The following HDHD2 variants were observed in gnomAD, a reference collection of about 807,000 sequenced individuals.
HDHD2 encodes haloacid dehalogenase-like hydrolase domain-containing protein 2.
A neutral mutation model predicts 24.8 loss-of-function variants in HDHD2; 26 were observed. That is an observed-to-expected ratio of 1.05 (90% CI 0.77 to 1.45). The LOEUF (loss-of-function observed/expected upper bound fraction) is 1.45. HDHD2 is among the 40% of genes most tolerant of loss of function. HDHD2 has a pLI of 0.00. For synonymous variants in HDHD2, 128 were observed against 114.9 expected, an observed-to-expected ratio of 1.11 and a Z score of -0.73; for missense variants, 299 against 313.4, an observed-to-expected ratio of 0.95 and a Z score of 0.35.
rs143332625 is a variant in HDHD2 at position 47,112,863 on chromosome 18, C to G, written c.676+114G>C. The G allele has an allele frequency of 7.5e-4, 611 of 810,408 alleles. 10 individuals are homozygous for G. In the East Asian group the frequency reaches 0.015, roughly 20 times the overall value. The allele number at this position is 810,408 out of a possible 1,614,324, so 50.2% of individuals were successfully genotyped here. On this transcript the variant is annotated intron_variant, in intron 6 of 6. Transcript: ENST00000300605. Reference sequence around the variant, plus strand: ...AAGCTGTTTTATTTTTGCTTTGTGGCAGGAAGAGAATAAAAGTGCCCAGGG... The same window carrying G: ...AAGCTGTTTTATTTTTGCTTTGTGGGAGGAAGAGAATAAAAGTGCCCAGGG...
chr18:47,133,540 C>T (rs955723364), intron 3 of HDHD2, among the ~76,000 whole-genome samples: 2 of 147,228 alleles, frequency 1.4e-5, no homozygotes, highest in South Asian at 4.3e-4. Context: ...GTTCTAGATC[C>T]TTGAGGAATC....
chr18:47,149,841 G>A (rs893613405), intron 1 of HDHD2, among the ~76,000 whole-genome samples: 2 of 152,108 alleles, frequency 1.3e-5, no homozygotes, highest in Non-Finnish European at 2.9e-5. Context: ...TGTGCATAAG[G>A]GACTGTGTTG....
intron 1 of HDHD2, among the ~76,000 whole-genome samples, chr18:47,139,162 A>T (rs2063795827): frequency 6.6e-6 from 1 of 152,072 alleles, no homozygotes; most frequent in South Asian, 2.1e-4. Context: ...GTATCCTTCA[A>T]AAAAATCCTT....
chr18:47,110,512 C>G, intron 6 of HDHD2: 2 of 985,152 alleles, frequency 2.0e-6, no homozygotes, highest in Non-Finnish European at 2.4e-6. Context: ...GTCTAAGAGA[C>G]AAATAAATAA....
intron 4 of HDHD2, among the ~76,000 whole-genome samples, chr18:47,115,740 A>G (rs900854550): frequency 6.6e-6 from 1 of 152,192 alleles, no homozygotes; most frequent in African/African-American, 2.4e-5. Flanking sequence ...AGCCTTTTAC[A>G]ATACTACACA....
intron 1 of HDHD2, among the ~76,000 whole-genome samples, chr18:47,138,233 C>T (rs2063786304): frequency 7.9e-6 from 1 of 125,958 alleles, no homozygotes; most frequent in East Asian, 2.5e-4. Context: ...CTGCCAGATA[C>T]ACCTTAAATC....
At chr18:47,138,479 G>C (rs2063788749) in intron 1 of HDHD2, among the ~76,000 whole-genome samples, 1 of 152,174 alleles carries the variant, frequency 6.6e-6, no homozygotes, top group African/African-American at 2.4e-5. Context: ...ATGCATGAGA[G>C]TAATATAAAG....
intron 1 of HDHD2, among the ~76,000 whole-genome samples, chr18:47,140,882 T>C (rs1359896704): frequency 6.6e-6 from 1 of 152,196 alleles, no homozygotes; most frequent in Non-Finnish European, 1.5e-5. Context: ...TTGGTAGTTA[T>C]TATCTACATA....
At chr18:47,136,106 C>CA (rs2063763436) in intron 2 of HDHD2, among the ~76,000 whole-genome samples, 1 of 152,108 alleles carries the variant, frequency 6.6e-6, no homozygotes, top group Non-Finnish European at 1.5e-5. Context: ...TAGAAAATGA[C>CA]ATACATATAG....
At chr18:47,118,467 A>G (rs2063575111) in intron 4 of HDHD2, among the ~76,000 whole-genome samples, 1 of 152,180 alleles carries the variant, frequency 6.6e-6, no homozygotes, top group African/African-American at 2.4e-5. Flanking sequence ...GGATGGAGCT[A>G]GAAGCCATTA....
chr18:47,130,181 T>A, intron 4 of HDHD2, 63 bp downstream of exon 4: 1 of 1,034,460 alleles, frequency 9.7e-7, no homozygotes, highest in Admixed American at 2.1e-5. Context: ...TTCATGACAA[T>A]GACAAAAGGA....
At chr18:47,123,096 C>T (rs1250629136) in intron 4 of HDHD2, among the ~76,000 whole-genome samples, 1 of 152,074 alleles carries the variant, frequency 6.6e-6, no homozygotes, top group Non-Finnish European at 1.5e-5. Context: ...AGAAATTTAA[C>T]TCTAGAAGGA....
In HDHD2 at chr18:47,108,550, T is replaced by G; in HGVS notation, c.*132A>C. The G allele has an allele frequency of 2.0e-6, 1 of 511,426 alleles. No homozygotes were observed. Among genetic ancestry groups the G allele is most frequent in the Non-Finnish European group, 3.4e-6 (1 of 291,658 alleles). 31.7% of individuals were successfully genotyped at this position (511,426 alleles called of 1,614,324 possible). On this transcript the variant is annotated 3_prime_UTR_variant, in exon 7 of 7. Coordinates refer to ENST00000300605, the MANE Select transcript of HDHD2 (RefSeq NM_032124.5). ...ATTCAATACCTTTCTTTCTAATTAATGCACAACAAAAGAGGGTTAAAAAGC... is the reference window on the plus strand; with the variant it reads ...ATTCAATACCTTTCTTTCTAATTAAGGCACAACAAAAGAGGGTTAAAAAGC...
intron 4 of HDHD2, among the ~76,000 whole-genome samples, chr18:47,117,608 C>T (rs1271073604): frequency 6.6e-6 from 1 of 152,088 alleles, no homozygotes. Context: ...TATAGCAGCA[C>T]AAAATGTAAA....
chr18:47,139,459 T>C (rs1403579192), intron 1 of HDHD2, among the ~76,000 whole-genome samples: 1 of 106,166 alleles, frequency 9.4e-6, no homozygotes. Context: ...AGCGAGACTC[T>C]GTCTCAAAAA....
rs558680373 is a variant in HDHD2, at chr18:47,109,949, T to C, written c.677-1164A>G. 2.3e-5 allele frequency: 23 copies of C among 984,414 alleles called. No individual in the cohort carries two copies. In the Admixed American group the frequency reaches 3.1e-4, roughly 13 times the overall value. 61.0% of individuals were successfully genotyped at this position (984,414 alleles called of 1,614,324 possible). On this transcript the variant is annotated intron_variant, in intron 6 of 6. Transcript: ENST00000300605. ...AGTAACTATCCTATAAATATCTTTT[T>C]AAAGAATGAATGGAGGGAAGAAGAG...
intron 1 of HDHD2, among the ~76,000 whole-genome samples, 158 bp from the exon 2 acceptor site, chr18:47,136,607 C>A (rs1599954163): frequency 6.7e-6 from 1 of 150,182 alleles, no homozygotes; most frequent in Non-Finnish European, 1.5e-5. Context: ...ATTACAAATC[C>A]AAAATTTGAT....
intron 2 of HDHD2, 84 bp downstream of exon 2, chr18:47,136,255 A>G: frequency 6.4e-7 from 1 of 1,558,632 alleles, no homozygotes; most frequent in Non-Finnish European, 8.7e-7. Flanking sequence ...TGCCATCTTA[A>G]GGCCATCCAT....
At chr18:47,113,477 A>C (rs572880112) in intron 5 of HDHD2, among the ~76,000 whole-genome samples, 3 of 152,306 alleles carry the variant, frequency 2.0e-5, no homozygotes, top group Admixed American at 6.5e-5. Flanking sequence ...CTTACTTTCT[A>C]TCCCATTGTC....
Sources: allele counts gnomAD v4.1 joint callset (sites outside exome capture counted in the v4.1 genomes callset), GRCh38; gene constraint gnomAD v4.1.1; transcripts MANE v1.5; gene names NCBI Gene and HGNC (gene_info 2026-07-23, HGNC 2026-07-21).